The following FOXK2 variants were observed in gnomAD, a reference collection of about 807,000 sequenced individuals.
FOXK2 encodes the protein forkhead box protein K2.
A neutral mutation model predicts 53.3 loss-of-function variants in FOXK2; 24 were observed. The ratio of observed to expected loss-of-function variants is 0.45; its 90% confidence interval spans 0.33 to 0.63. The LOEUF is 0.63. FOXK2 is among the 30% of genes least tolerant of loss of function. FOXK2 has a pLI of 0.03. For synonymous variants in FOXK2, 505 were observed against 407.1 expected (o/e 1.24, Z -2.89); for missense variants, 952 against 910.5 (o/e 1.05, Z -0.59).
chr17:82,534,897 T>TG (rs2044505781), intron 1 of FOXK2, among the ~76,000 whole-genome samples: 1 of 152,254 alleles, frequency 6.6e-6, no homozygotes, highest in South Asian at 2.1e-4. Context: ...ACACATTTTT[T>TG]GGGGGCAGGT....
intron 4 of FOXK2, among the ~76,000 whole-genome samples, chr17:82,579,268 CTGTCTT>C (rs769920935): frequency 1.3e-5 from 2 of 152,208 alleles, no homozygotes; most frequent in African/African-American, 2.4e-5. Context: ...TTTGCCTTCT[CTGTCTT>C]TGTCGGGGCA....
At chr17:82,522,634 G>T (rs2044375272) in intron 1 of FOXK2, among the ~76,000 whole-genome samples, 1 of 151,862 alleles carries the variant, frequency 6.6e-6, no homozygotes, top group Admixed American at 6.6e-5. Flanking sequence ...GCCTCCCAAA[G>T]TGCTGCGATT....
chr17:82,555,559 G>T (rs1346278586), intron 1 of FOXK2, among the ~76,000 whole-genome samples: 1 of 151,962 alleles, frequency 6.6e-6, no homozygotes, highest in Non-Finnish European at 1.5e-5. Flanking sequence ...TATAGTGTGG[G>T]TGTCCATGCA....
intron 4 of FOXK2, chr17:82,572,108 T>C: frequency 2.7e-6 from 1 of 376,990 alleles, no homozygotes; most frequent in East Asian, 4.0e-5. Context: ...GCTTTACTGT[T>C]GTGGAAATTC....
intron 8 of FOXK2, among the ~76,000 whole-genome samples, chr17:82,592,376 C>A (rs2045261164): frequency 6.6e-6 from 1 of 152,226 alleles, no homozygotes; most frequent in African/African-American, 2.4e-5. Context: ...CATGTGTGTC[C>A]TCTTGTTTTC....
intron 1 of FOXK2, among the ~76,000 whole-genome samples, chr17:82,560,425 C>T (rs901656233): frequency 6.6e-6 from 1 of 152,040 alleles, no homozygotes; most frequent in Non-Finnish European, 1.5e-5. Flanking sequence ...CCGTGCCCGG[C>T]CCTCCTCGCT....
At chr17:82,552,529 G>C (rs2044686727) in intron 1 of FOXK2, among the ~76,000 whole-genome samples, 1 of 145,778 alleles carries the variant, frequency 6.9e-6, no homozygotes, top group South Asian at 2.2e-4. Context: ...TTCTATGTGT[G>C]GCCATCCTCA....
At chr17:82,574,644 C>T (rs185960716) in intron 4 of FOXK2, among the ~76,000 whole-genome samples, 5 of 152,270 alleles carry the variant, frequency 3.3e-5, no homozygotes, top group African/African-American at 1.2e-4. Context: ...TTCTTTCTGT[C>T]CTCAGCTGTA....
Position 82,565,939 on chromosome 17 carries a change from T to A in FOXK2, c.615-2115T>A, listed in dbSNP as rs535992098. Among the ~76,000 whole-genome samples, 4 of 152,320 alleles carry A rather than the reference T, an allele frequency of 2.6e-5. No homozygotes were observed. The South Asian group carries it at 8.3e-4, about 32-fold the overall frequency. On this transcript the variant is annotated intron_variant, in intron 2 of 8. Transcript: ENST00000335255. ...TCAGCCTTAAAAAGGAAGGAAATCC[T>A]GACATATGCTGAAACATAAATTAAC...
At chr17:82,530,986 G>C (rs571214279) in intron 1 of FOXK2, among the ~76,000 whole-genome samples, 30 of 152,362 alleles carry the variant, frequency 2.0e-4, no homozygotes, top group African/African-American at 7.0e-4. Flanking sequence ...CTGGGTGGAA[G>C]AAGATGTGGT....
At chr17:82,540,568 C>T (rs1186181048) in intron 1 of FOXK2, among the ~76,000 whole-genome samples, 6 of 152,124 alleles carry the variant, frequency 3.9e-5, no homozygotes, top group African/African-American at 1.2e-4. Flanking sequence ...CTGGAGTTGG[C>T]ACACTCCAGT....
chr17:82,586,946 G>T, intron 7 of FOXK2, 117 bp from the exon 8 acceptor site: 3 of 951,754 alleles, frequency 3.2e-6, no homozygotes, highest in South Asian at 1.5e-5. Flanking sequence ...TTTGCTGTTT[G>T]TTTTAGAGAC....
At position 82,585,991 on chromosome 17, in the gene FOXK2, C is replaced by T; in HGVS notation, c.1367C>T (p.Thr456Ile). 6.2e-7 allele frequency: 1 copy of T among 1,612,802 alleles called. No individual in the cohort carries two copies. Among genetic ancestry groups the T allele is most frequent in the Non-Finnish European group, 8.5e-7 (1 of 1,179,962 alleles). ...AAGCCTGTCACCTACACTGTGGCCA[C>T]CCCAGTGACCACCTCGACCTCCCAG... ...AIKPVTYTVATPVTTSTSQPP... is the reference protein window; with the variant it reads ...AIKPVTYTVAIPVTTSTSQPP... The change falls in exon 7 of 9, where the codon ACC (threonine) becomes ATC (isoleucine). Residue 456 changes from threonine (T) to isoleucine (I), a missense_variant. Around this residue, in one of 5 missense-constraint regions of FOXK2, gnomAD observed 551 missense variants for 385.1 expected, o/e 1.43. Coordinates refer to ENST00000335255, the MANE Select transcript of FOXK2 (RefSeq NM_004514.4).
chr17:82,520,993 G>T (rs1359769755), intron 1 of FOXK2, among the ~76,000 whole-genome samples: 1 of 152,178 alleles, frequency 6.6e-6, no homozygotes. Flanking sequence ...TGTTAAGTCA[G>T]CCTGATAGGG....
At position 82,587,226 on chromosome 17, in the gene FOXK2, T is replaced by A. The variant is rs1411440064; in HGVS notation, c.1740T>A (p.Thr580=). Residue 580 remains threonine, a synonymous_variant, in exon 8 of 9, where the codon ACT becomes ACA. Coordinates refer to ENST00000335255, the MANE Select transcript of FOXK2 (RefSeq NM_004514.4). ...TAAAAACTGTAACACAAAACGGCAC[T>A]CACGTGGCATCAGTCCCCACTGCGG... ...LPIKTVTQNG[T]HVASVPTAVH... 3 of 1,612,946 alleles carry A rather than the reference T, an allele frequency of 1.9e-6. No homozygotes were observed. The highest frequency in any genetic ancestry group is 1.1e-5 in the South Asian group (1 of 91,088).
intron 1 of FOXK2, among the ~76,000 whole-genome samples, chr17:82,561,604 T>G (rs547645540): frequency 8.5e-4 from 129 of 152,030 alleles, no homozygotes; most frequent in Non-Finnish European, 1.5e-3. Context: ...TGGGGAGGAC[T>G]GGCCGTCCTG....
In FOXK2 at chr17:82,582,893, C is replaced by T. The variant is rs148606168; in HGVS notation, c.1062C>T (p.Gly354=). 2.8e-5 allele frequency: 45 copies of T among 1,609,390 alleles called. No individual in the cohort carries two copies. The East Asian group carries it at 5.1e-4, about 18-fold the overall frequency. The stretch of plus-strand genomic sequence containing the variant: ...CTTTTAGGAAACGACGGCCTAGGGG[C>T]GTGCCCTGCTTTAGAACCCCTCTGG... ...EQAFRKRRPR[G]VPCFRTPLGP... is the part of the protein sequence containing the mutation. Residue 354 remains glycine, a synonymous_variant, in exon 5 of 9, where the codon GGC becomes GGT. Coordinates refer to ENST00000335255, the MANE Select transcript of FOXK2 (RefSeq NM_004514.4).
At chr17:82,587,633 G>A in intron 8 of FOXK2, 6 of 348,854 alleles carry the variant, frequency 1.7e-5, no homozygotes, top group South Asian at 1.0e-4. Flanking sequence ...GCGGTGCTAT[G>A]CTGCTGAGGG....
At chr17:82,585,818 ATGT>A (rs1234987282) in intron 6 of FOXK2, 83 bp from the exon 7 acceptor site, 2 of 1,339,434 alleles carry the variant, frequency 1.5e-6, no homozygotes, top group Non-Finnish European at 2.1e-6. Flanking sequence ...TAAAGTTTGT[ATGT>A]TGCTTGTCAG....
Sources: gnomAD v4.1 joint callset for allele counts (sites outside exome capture counted in the v4.1 genomes callset) on GRCh38, gnomAD v4.1.1 for gene constraint, gnomAD v4.1.1 regional missense constraint, MANE v1.5 for transcripts, NCBI Gene and HGNC (gene_info 2026-07-23, HGNC 2026-07-21) for gene names.